ZNF208: variants seen among roughly 807,000 people sequenced by gnomAD.
ZNF208 encodes the protein zinc finger protein 208, also known as zinc finger protein 95.
A neutral mutation model predicts 12.1 loss-of-function variants in ZNF208; 10 were observed. The ratio of observed to expected loss-of-function variants is 0.83; its 90% CI spans 0.51 to 1.40. The LOEUF (loss-of-function observed/expected upper bound fraction) is 1.40. Ranked by LOEUF, ZNF208 falls within the 40% of genes most tolerant of loss-of-function variation. ZNF208 has a pLI of 0.00. For missense variants in ZNF208, 1,652 were observed against 1,485.0 expected (o/e 1.11, Z -1.85); for synonymous variants, 497 against 488.4 (o/e 1.02, Z -0.23).
chr19:21,977,074 C>T (rs1970444574), intron 3 of ZNF208, among the ~76,000 whole-genome samples: 1 of 152,054 alleles, frequency 6.6e-6, no homozygotes, highest in South Asian at 2.1e-4. Context: ...AGTGAAACTC[C>T]AAAGAGACAA....
intron 1 of ZNF208, among the ~76,000 whole-genome samples, chr19:21,995,336 C>T (rs1970815352): frequency 6.6e-6 from 1 of 152,142 alleles, no homozygotes; most frequent in African/African-American, 2.4e-5. Context: ...ATTTTTTACC[C>T]AAGTACCAGG....
chr19:21,958,842 G>A (rs1338713001), intron 4 of ZNF208, among the ~76,000 whole-genome samples: 2 of 152,056 alleles, frequency 1.3e-5, no homozygotes, highest in African/African-American at 4.8e-5. Flanking sequence ...GACTGAGAGG[G>A]ATTAGCTAGT....
At chr19:21,962,859 A>T (rs1193480249), downstream of ZNF208, among the ~76,000 whole-genome samples, 3 of 152,112 alleles carry the variant, frequency 2.0e-5, no homozygotes, top group Non-Finnish European at 4.4e-5. Flanking sequence ...ACCAAAATCT[A>T]GCAAACATAG....
rs985523742 is a variant in ZNF208, at chr19:21,967,607, A to C, written c.*3584T>G. 1.4e-4 allele frequency: 21 copies of C among 152,122 alleles called. No individual in the cohort carries two copies. The highest frequency in any genetic ancestry group is 9.2e-4 in the Admixed American group (14 of 15,254). The allele number at this position is 152,122 out of a possible 1,614,324, so 9.4% of individuals were successfully genotyped here. A position where few individuals can be genotyped will look rare whatever the true frequency, so the allele number is the denominator to read the frequency against. On this transcript the variant is annotated 3_prime_UTR_variant, in exon 4 of 4. Transcript: ENST00000397126. The stretch of plus-strand genomic sequence containing the variant: ...CACCATGTTGGCCAGGCTGGTCTCA[A>C]ACTTCTGACCTCAGGTGATCCATCC...
chr19:21,992,237 A>G (rs2145572033), intron 1 of ZNF208, among the ~76,000 whole-genome samples: 1 of 152,382 alleles, frequency 6.6e-6, no homozygotes, highest in Non-Finnish European at 1.5e-5. Flanking sequence ...TGATTTATTA[A>G]CATCAACTAC....
intron 4 of ZNF208, among the ~76,000 whole-genome samples, chr19:21,944,334 C>T (rs1047439851): frequency 3.9e-5 from 6 of 152,156 alleles, no homozygotes; most frequent in African/African-American, 1.4e-4. Context: ...AAAATTCAAC[C>T]TAAATTCAAC....
chr19:22,007,487 A>G (rs1183368576), intron 1 of ZNF208, among the ~76,000 whole-genome samples: 1 of 131,098 alleles, frequency 7.6e-6, no homozygotes, highest in Non-Finnish European at 1.6e-5. Context: ...ACCTGGGGAC[A>G]GAGCAAGACT....
Position 21,971,978 on chromosome 19 carries a change from T to G in ZNF208, c.3056A>C (p.His1019Pro). Residue 1019 changes from histidine (H) to proline (P), a missense_variant, in exon 4 of 4, where the codon CAT becomes CCT. By Grantham distance (77) the His-to-Pro change is moderately conservative (BLOSUM62 -2). Around this residue, in one of 3 missense-constraint regions of ZNF208, gnomAD observed 1,239 missense variants for 1,086.2 expected, o/e 1.14. Transcript: ENST00000397126. ...TGTCTCTCCAGTGTGAATTTTCTTATGTTCCATAAGGTTTGATGACCAGTT... is the reference window on the plus strand; with the variant it reads ...TGTCTCTCCAGTGTGAATTTTCTTAGGTTCCATAAGGTTTGATGACCAGTT... ...AFNWSSNLME[H>P]KKIHTGETPY... 1 of 1,613,180 alleles carries G rather than the reference T, an allele frequency of 6.2e-7. No individual in the cohort carries two copies. The highest frequency in any genetic ancestry group is 8.5e-7 in the Non-Finnish European group (1 of 1,179,562).
intron 4 of ZNF208, chr19:21,940,946 G>C (rs1268354726): frequency 6.0e-6 from 1 of 165,902 alleles, no homozygotes; most frequent in South Asian, 2.0e-4. Flanking sequence ...GCTTTGAGCC[G>C]AGGCATCCCC....
At position 21,987,205 on chromosome 19, in the gene ZNF208, C is replaced by G; in HGVS notation, c.226+11G>C. The G allele has an allele frequency of 6.2e-7, 1 of 1,608,514 alleles. No individual in the cohort carries two copies. The highest frequency in any genetic ancestry group is 8.5e-7 in the Non-Finnish European group (1 of 1,177,922). Reference sequence around the variant, plus strand: ...CTCTCATCCATGTTGTCTGTATTCACTCTCACCTACCTGGGGATTCTTCCA... The same window carrying G: ...CTCTCATCCATGTTGTCTGTATTCAGTCTCACCTACCTGGGGATTCTTCCA... On this transcript the variant is annotated intron_variant, in intron 3 of 3. Coordinates refer to ENST00000397126, the MANE Select transcript of ZNF208 (RefSeq NM_007153.3).
intron 3 of ZNF208, among the ~76,000 whole-genome samples, chr19:21,975,943 A>G (rs1335559266): frequency 6.6e-6 from 1 of 151,272 alleles, no homozygotes; most frequent in African/African-American, 2.4e-5. Flanking sequence ...CTTAAGAAGT[A>G]TATTAGCACT....
Position 22,001,892 on chromosome 19 carries a change from C to CAAAAAAAAAAAAAAAAAAAAAAAAAAAAA in ZNF208, c.3+8871_3+8899dup, listed in dbSNP as rs58939967. Among the ~76,000 whole-genome samples, 33 of 74,108 alleles carry CAAAAAAAAAAAAAAAAAAAAAAAAAAAAA rather than the reference C, an allele frequency of 4.5e-4. 9 individuals carry two copies. The highest frequency in any genetic ancestry group is 6.5e-4 in the Non-Finnish European group (24 of 36,778). The allele number at this position is 74,108 out of a possible 152,430, so 48.6% of individuals were successfully genotyped here. ...TGGATGACACAGTGAGACTCCATCC[C>CAAAAAAAAAAAAAAAAAAAAAAAAAAAAA]AAAAAAAAAAAAAAAAAAAAAAAAA... On this transcript the variant is annotated intron_variant, in intron 1 of 3. Coordinates refer to ENST00000397126, the MANE Select transcript of ZNF208 (RefSeq NM_007153.3).
chr19:21,952,192 C>T (rs373364322), intron 4 of ZNF208, among the ~76,000 whole-genome samples: 1 of 152,202 alleles, frequency 6.6e-6, no homozygotes, highest in Admixed American at 6.5e-5. Flanking sequence ...AGGCCTACTG[C>T]CTCTATAGAC....
At chr19:21,948,608 C>A (rs1429711156) in intron 4 of ZNF208, among the ~76,000 whole-genome samples, 10 of 151,218 alleles carry the variant, frequency 6.6e-5, no homozygotes, top group Non-Finnish European at 1.5e-4. Flanking sequence ...GATTCAAGTT[C>A]CCTTCTCATT....
At chr19:21,988,746 G>A (rs780527589) in intron 2 of ZNF208, 37 bp downstream of exon 2, 58 of 1,613,798 alleles carry the variant, frequency 3.6e-5, no homozygotes, top group Non-Finnish European at 4.9e-5. Flanking sequence ...GAAACCTGTA[G>A]TGTATACTAG....
rs1970322825 is a variant in ZNF208 at position 21,972,643 on chromosome 19, T to A, written c.2391A>T (p.Arg797Ser). The A allele has an allele frequency of 6.2e-7, 1 of 1,613,200 alleles. No individual in the cohort carries two copies. Among genetic ancestry groups the A allele is most frequent in the African/African-American group, 1.3e-5 (1 of 74,824 alleles). ...TGTAGGGTTTCTCATCAGTATGAAT[T>A]CTCTTATGTTTAATAAGGATTGCAG... is the stretch of plus-strand genomic sequence containing the variant. ...NRSAILIKHK[R>S]IHTDEKPYKC... Residue 797 changes from arginine to serine, a missense_variant, in exon 4 of 4, where the codon AGA becomes AGT. Physicochemically the swap from Arg to Ser is moderately radical, Grantham distance 110. Transcript: ENST00000397126.
intron 4 of ZNF208, among the ~76,000 whole-genome samples, chr19:21,945,498 AAC>A (rs1285151461): frequency 6.6e-6 from 1 of 152,178 alleles, no homozygotes; most frequent in African/African-American, 2.4e-5. Context: ...TCACATTTTA[AAC>A]ACAGTCAACA....
At position 21,972,405 on chromosome 19, in the gene ZNF208, T is replaced by G; in HGVS notation, c.2629A>C (p.Ser877Arg). ...CCAGTATGAATTTTCTTATGATAACTAAGGGTTGAGGGCCATTTATAGGCT... is the reference window on the plus strand; with the variant it reads ...CCAGTATGAATTTTCTTATGATAACGAAGGGTTGAGGGCCATTTATAGGCT... ...GKAYKWPSTL[S>R]YHKKIHTGEK... Residue 877 changes from serine to arginine, a missense_variant, in exon 4 of 4, where the codon AGT becomes CGT. Transcript: ENST00000397126. 2.5e-6 allele frequency: 4 copies of G among 1,612,558 alleles called. No homozygotes were observed. Among genetic ancestry groups the G allele is most frequent in the Non-Finnish European group, 3.4e-6 (4 of 1,179,294 alleles).
Position 21,971,833 on chromosome 19 carries a change from G to C in ZNF208, c.3201C>G (p.Ser1067Arg). The change falls in exon 4 of 4, where the codon AGC becomes AGG. Residue 1067 changes from serine to arginine, a missense_variant. Physicochemically the swap from Ser to Arg is moderately radical, Grantham distance 110 (BLOSUM62 -1). Around this residue, in one of 3 missense-constraint regions of ZNF208, gnomAD observed 1,239 missense variants for 1,086.2 expected, o/e 1.14. Transcript: ENST00000397126. ...YKCEECGKAF[S>R]WPSRLTEHKA... ...TATGTTCAGTAAGTCTTGAGGGCCA[G>C]CTGAAGGCTTTGCCACATTCTTCAC... is the stretch of plus-strand genomic sequence containing the variant. The C allele has an allele frequency of 6.2e-7, 1 of 1,611,030 alleles. No individual in the cohort carries two copies.
Sources: gnomAD v4.1 joint callset for allele counts (sites outside exome capture counted in the v4.1 genomes callset) on GRCh38, gnomAD v4.1.1 for gene constraint, gnomAD v4.1.1 regional missense constraint, MANE v1.5 for transcripts, NCBI Gene and HGNC (gene_info 2026-07-23, HGNC 2026-07-21) for gene names.